The following ARFGEF1 variants were observed in gnomAD, a reference collection of about 807,000 sequenced individuals.
ARFGEF1 encodes the protein brefeldin A-inhibited guanine nucleotide-exchange protein 1.
A neutral mutation model predicts 231.0 loss-of-function variants in ARFGEF1; 42 were observed. That is an observed-to-expected ratio of 0.18 (90% CI 0.14 to 0.24). The LOEUF (loss-of-function observed/expected upper bound fraction) is 0.24. Ranked by LOEUF, ARFGEF1 falls within the 10% of genes least tolerant of loss-of-function variation. The probability of loss-of-function intolerance (pLI) is 1.00; values close to 1 mark genes in which losing one functional copy is unlikely to be tolerated. For synonymous variants in ARFGEF1, 710 were observed against 732.3 expected, an observed-to-expected ratio of 0.97 and a Z score of 0.49; for missense variants, 1,345 against 2,192.0, an observed-to-expected ratio of 0.61 and a Z score of 7.72.
At chr8:67,246,795 T>C (rs1258991293) in intron 19 of ARFGEF1, among the ~76,000 whole-genome samples, 1 of 149,450 alleles carries the variant, frequency 6.7e-6, no homozygotes, top group Non-Finnish European at 1.5e-5. Flanking sequence ...ATACAAAACA[T>C]CAACAAAACA....
intron 19 of ARFGEF1, among the ~76,000 whole-genome samples, chr8:67,245,592 C>G (rs1469003855): frequency 2.7e-5 from 4 of 149,506 alleles, no homozygotes; most frequent in Non-Finnish European, 4.4e-5. Context: ...ACCAAAAAAA[C>G]CTATAATGAA....
intron 5 of ARFGEF1, among the ~76,000 whole-genome samples, chr8:67,178,401 A>G (rs1190294309): frequency 1.3e-5 from 2 of 152,252 alleles, no homozygotes; most frequent in Non-Finnish European, 2.9e-5. Flanking sequence ...ATTATTTCCT[A>G]TGGACAAGAA....
At chr8:67,257,554 A>AT (rs1840501293) in intron 17 of ARFGEF1, among the ~76,000 whole-genome samples, 178 bp downstream of exon 17, 1 of 152,206 alleles carries the variant, frequency 6.6e-6, no homozygotes, top group Admixed American at 6.5e-5. Flanking sequence ...TAAAAGTCTA[A>AT]TTTTAATTAC....
intron 6 of ARFGEF1, among the ~76,000 whole-genome samples, chr8:67,290,874 T>G (rs1805977703): frequency 6.6e-6 from 1 of 152,102 alleles, no homozygotes; most frequent in Non-Finnish European, 1.5e-5. Flanking sequence ...AGTACTGTTT[T>G]TAAAAGCATG....
chr8:67,244,992 TAA>T (rs745688362), intron 19 of ARFGEF1, among the ~76,000 whole-genome samples: 39 of 150,148 alleles, frequency 2.6e-4, no homozygotes, highest in Non-Finnish European at 4.6e-4. Context: ...AAGAAACAAA[TAA>T]CATACAATGA....
At chr8:67,188,101 A>G (rs895371002) in intron 5 of ARFGEF1, among the ~76,000 whole-genome samples, 2 of 152,258 alleles carry the variant, frequency 1.3e-5, no homozygotes, top group Admixed American at 1.3e-4. Context: ...AGAAGACAGG[A>G]CAGAGACTGT....
intron 14 of ARFGEF1, among the ~76,000 whole-genome samples, chr8:67,260,296 A>G (rs1245501166): frequency 6.6e-6 from 1 of 152,194 alleles, no homozygotes; most frequent in East Asian, 1.9e-4. Flanking sequence ...ATACAGGCAT[A>G]CTTCATTTTA....
intron 33 of ARFGEF1, 96 bp from the exon 34 acceptor site, chr8:67,211,711 C>T (rs547131640): frequency 2.2e-5 from 15 of 690,798 alleles, no homozygotes; most frequent in Non-Finnish European, 3.1e-5. Context: ...TATATTATGT[C>T]CCTATGAAAA....
chr8:67,327,939 T>C (rs148897072), intron 1 of ARFGEF1, among the ~76,000 whole-genome samples: 1 of 152,280 alleles, frequency 6.6e-6, no homozygotes, highest in African/African-American at 2.4e-5. Flanking sequence ...TTATTAATTA[T>C]AAACAGCAAA....
At chr8:67,284,678 CTTGTGGTA>C (rs1805677399) in intron 7 of ARFGEF1, among the ~76,000 whole-genome samples, 2 of 152,086 alleles carry the variant, frequency 1.3e-5, no homozygotes, top group Admixed American at 1.3e-4. Context: ...GAGGAGCAAC[CTTGTGGTA>C]TTGGACGTGA....
At chr8:67,253,367 C>G (rs527937397) in intron 18 of ARFGEF1, 84 bp downstream of exon 18, 1 of 1,010,132 alleles carries the variant, frequency 9.9e-7, no homozygotes, top group South Asian at 2.1e-5. Flanking sequence ...TGCAAACCAC[C>G]ACACCTGACC....
chr8:67,251,219 G>T (rs969943295), intron 19 of ARFGEF1, 80 bp downstream of exon 19: 4 of 1,303,496 alleles, frequency 3.1e-6, no homozygotes, highest in Non-Finnish European at 1.0e-6. Context: ...TCACTGTATC[G>T]CTTCCTTAAC....
At chr8:67,298,805 A>T (rs1806352277) in intron 4 of ARFGEF1, among the ~76,000 whole-genome samples, 1 of 152,168 alleles carries the variant, frequency 6.6e-6, no homozygotes, top group Non-Finnish European at 1.5e-5. Context: ...TCACTCTGTC[A>T]CCCAGGCTGG....
chr8:67,240,081 CAA>C, intron 20 of ARFGEF1, 79 bp downstream of exon 20: 2 of 1,531,362 alleles, frequency 1.3e-6, no homozygotes, highest in South Asian at 2.4e-5. Flanking sequence ...CACACATAAA[CAA>C]TTATTGTAAT....
intron 22 of ARFGEF1, among the ~76,000 whole-genome samples, chr8:67,233,350 TTACAAAGGTCAGTTGAAAATTC>T (rs1275189753): frequency 6.6e-6 from 1 of 151,986 alleles, no homozygotes; most frequent in Non-Finnish European, 1.5e-5. Context: ...AGTCCCCTAT[TTACAAAGGTCAGTTGAAAATTC>T]TACCTGTATT....
intron 12 of ARFGEF1, 28 bp from the exon 13 acceptor site, chr8:67,267,012 T>C (rs1804878918): frequency 6.2e-7 from 1 of 1,608,330 alleles, no homozygotes; most frequent in African/African-American, 1.3e-5. Context: ...AACAAAATTT[T>C]TTTTAAAGGT....
In ARFGEF1 at chr8:67,302,507, C is replaced by T. The variant is rs201684274; in HGVS notation, c.125-41G>A. The T allele has an allele frequency of 2.0e-3, 2,933 of 1,463,642 alleles. 4 individuals are homozygous for T. Among genetic ancestry groups the T allele is most frequent in the Non-Finnish European group, 2.0e-3 (2,125 of 1,085,088 alleles). The allele number at this position is 1,463,642 out of a possible 1,614,324, so 90.7% of individuals were successfully genotyped here. On this transcript the variant is annotated intron_variant, in intron 1 of 38. Transcript: ENST00000262215. ...AAGAAGCATACATTAGAAAACTGGA[C>T]AGCAGAAAGACTGAGTAATTTCTTA...
intron 7 of ARFGEF1, among the ~76,000 whole-genome samples, chr8:67,283,044 T>A (rs1805603376): frequency 6.6e-6 from 1 of 151,852 alleles, no homozygotes; most frequent in Non-Finnish European, 1.5e-5. Flanking sequence ...CAAAAAAAGA[T>A]AAGTAGTCCA....
chr8:67,336,453 A>C (rs1377732361), intron 1 of ARFGEF1, among the ~76,000 whole-genome samples: 1 of 152,206 alleles, frequency 6.6e-6, no homozygotes, highest in Non-Finnish European at 1.5e-5. Context: ...GGTGGCTTAA[A>C]ACAACAGAAA....
Sources: gnomAD v4.1 joint callset for allele counts (sites outside exome capture counted in the v4.1 genomes callset) on GRCh38, gnomAD v4.1.1 for gene constraint, MANE v1.5 for transcripts, NCBI Gene and HGNC (gene_info 2026-07-23, HGNC 2026-07-21) for gene names.